Variants in DOK7 observed in about 807,000 individuals in gnomAD.
The protein encoded by DOK7 is docking protein 7.
In DOK7, 32 loss-of-function variants were observed where a neutral mutation model predicts 30.7. The observed-to-expected ratio is 1.04, with a 90% CI of 0.79 to 1.40. DOK7 has a LOEUF of 1.40. Among genes scored for constraint, DOK7 ranks in the 40% most tolerant of loss-of-function variants. The pLI is 0.00. For missense variants in DOK7, 1,007 were observed against 699.2 expected (o/e 1.44, Z -4.97); for synonymous variants, 447 against 324.1 (o/e 1.38, Z -4.07).
chr4:3,490,529 G>A (rs1210656458), intron 6 of DOK7, among the ~76,000 whole-genome samples: 3 of 38,946 alleles, frequency 7.7e-5, no homozygotes, highest in Admixed American at 3.5e-4. Flanking sequence ...TCACCCCCCC[G>A]CTCATTCGTT....
chr4:3,490,432 A>T (rs1186439027), intron 6 of DOK7, among the ~76,000 whole-genome samples: 1 of 19,238 alleles, frequency 5.2e-5, no homozygotes, highest in Non-Finnish European at 1.0e-4. Flanking sequence ...CCGCTCATTC[A>T]TTCCTTCATT....
intron 2 of DOK7, among the ~76,000 whole-genome samples, chr4:3,472,390 C>T (rs955190278): frequency 6.6e-6 from 1 of 152,376 alleles, no homozygotes; most frequent in East Asian, 1.9e-4. Context: ...TGCATGCTCA[C>T]AGGGATTTGG....
At chr4:3,473,358 C>A (rs370952720) in intron 2 of DOK7, 48 bp from the exon 3 acceptor site, 330 of 1,587,532 alleles carry the variant, frequency 2.1e-4, no homozygotes, top group Non-Finnish European at 2.6e-4. Flanking sequence ...GCCAAGGGTG[C>A]GGGCAGGCGG....
chr4:3,491,345 G>A lies in DOK7; in HGVS notation c.773-1414G>A, dbSNP rs185998516. On this transcript the variant is annotated intron_variant, in intron 6 of 6. Coordinates refer to ENST00000340083, the MANE Select transcript of DOK7 (RefSeq NM_173660.5). ...CTGCTCATTCATTCCTTCCTTCTTCGCCTGCTTGTTCCTTCCTTCCTCTGC... is the reference window on the plus strand; with the variant it reads ...CTGCTCATTCATTCCTTCCTTCTTCACCTGCTTGTTCCTTCCTTCCTCTGC... Among the ~76,000 whole-genome samples the A allele has an allele frequency of 2.3e-3, 63 of 26,818 alleles. No individual in the cohort carries two copies. In the South Asian group the frequency reaches 0.035, roughly 15 times the overall value. 17.6% of individuals were successfully genotyped at this position (26,818 alleles called of 152,430 possible). A position where few individuals can be genotyped will look rare whatever the true frequency, so the allele number is the denominator to read the frequency against.
rs1196092256 is a variant in DOK7 at position 3,493,545 on chromosome 4, C to T, written c.*44C>T. ...CGCGGCTGCAAAGGGGCTGAATTTG[C>T]CCCCAGATGGCAGAGGAAGTGGCGC... On this transcript the variant is annotated 3_prime_UTR_variant, in exon 7 of 7. Coordinates refer to ENST00000340083, the MANE Select transcript of DOK7 (RefSeq NM_173660.5). The T allele has an allele frequency of 3.1e-6, 5 of 1,597,728 alleles. No individual in the cohort carries two copies. Among genetic ancestry groups the T allele is most frequent in the Admixed American group, 3.4e-5 (2 of 58,714 alleles).
chr4:3,468,208 G>T (rs1409596318), intron 2 of DOK7, among the ~76,000 whole-genome samples: 1 of 151,904 alleles, frequency 6.6e-6, no homozygotes, highest in Non-Finnish European at 1.5e-5. Flanking sequence ...ACAAGTGTGT[G>T]TGTGTGCATG....
chr4:3,485,891 G>A (rs1213658244), intron 5 of DOK7, among the ~76,000 whole-genome samples: 1 of 152,168 alleles, frequency 6.6e-6, no homozygotes, highest in Non-Finnish European at 1.5e-5. Flanking sequence ...CTCTCCCTCG[G>A]GGGTCCGAGC....
At position 3,489,815 on chromosome 4, in the gene DOK7, C is replaced by G. The variant is rs1275984733; in HGVS notation, c.772+19C>G. 2 of 1,565,594 alleles carry G rather than the reference C, an allele frequency of 1.3e-6. No homozygotes were observed. The highest frequency in any genetic ancestry group is 1.9e-5 in the Admixed American group (1 of 53,640). ...AGTGGAGGTAGGGCCGGGGGCTGAC[C>G]TGGGCTGTGGGACCTCGGCTAAGCC... On this transcript the variant is annotated intron_variant, in intron 6 of 6. Transcript: ENST00000340083.
chr4:3,492,954 G>A lies in DOK7; in HGVS notation c.968G>A (p.Arg323His), dbSNP rs763188032. The change falls in exon 7 of 7, where the codon CGT becomes CAT. Residue 323 changes from arginine to histidine, a missense_variant. Physicochemically the swap from Arg to His is conservative, Grantham distance 29. Transcript: ENST00000340083. Reference sequence around the variant, plus strand: ...TCAAGGCCACCCCCCAAGCCGCTGCGTCCGCGGCAGCTGCAGGAGGTTGGC... The same window carrying A: ...TCAAGGCCACCCCCCAAGCCGCTGCATCCGCGGCAGCTGCAGGAGGTTGGC... ...GASRPPPKPL[R>H]PRQLQEVGRQ... 4.1e-5 allele frequency: 64 copies of A among 1,553,122 alleles called. No homozygotes were observed. The highest frequency in any genetic ancestry group is 1.5e-4 in the Admixed American group (8 of 51,984).
downstream of DOK7, among the ~76,000 whole-genome samples, chr4:3,495,140 G>A (rs80091208): frequency 0.065 from 9,880 of 152,260 alleles, 478 homozygotes; most frequent in Non-Finnish European, 0.1. Flanking sequence ...TCTTGCAAAC[G>A]GGATGACAGA....
At chr4:3,498,667 C>G (rs1729041602), downstream of DOK7, among the ~76,000 whole-genome samples, 1 of 152,084 alleles carries the variant, frequency 6.6e-6, no homozygotes, top group South Asian at 2.1e-4. Flanking sequence ...ATGCCCCCTC[C>G]TCTAGGCAGC....
chr4:3,476,490 C>A lies in DOK7; in HGVS notation c.480C>A (p.Tyr160Ter), dbSNP rs550024569. Residue 160 changes from tyrosine (Y) to a stop codon, truncating the protein, a stop_gained, in exon 4 of 7, where the codon TAC becomes TAA. Transcript: ENST00000340083. LOFTEE classifies it high-confidence loss of function. ...GQWKLSDLRR[Y>*]GAVPSGFIFE... ...GGAAGCTGTCTGACCTCCGGCGCTA[C>A]GGGGCCGTGCCAAGCGGATTCATCT... 1 of 1,613,892 alleles carries A rather than the reference C, an allele frequency of 6.2e-7. No individual in the cohort carries two copies. The highest frequency in any genetic ancestry group is 1.7e-5 in the Admixed American group (1 of 60,026).
chr4:3,473,344 G>T, intron 2 of DOK7, 62 bp from the exon 3 acceptor site: 1 of 1,555,550 alleles, frequency 6.4e-7, no homozygotes. Context: ...GCCTCCCCGG[G>T]GACGCCAAGG....
Position 3,500,408 on chromosome 4 carries a change from G to C in DOK7, c.1261+5G>C, listed in dbSNP as rs534574351. ...AGGCCAGCGAGGGTGTCCGAGGTGG[G>C]TCCCCGCCCTGCGTGGAGGCACTGA... On this transcript the variant is annotated splice_donor_5th_base_variant and intron_variant, in intron 7 of 7. Coordinates refer to the DOK7 transcript ENST00000643608. 6.5e-6 allele frequency: 10 copies of C among 1,535,726 alleles called. No homozygotes were observed. In the South Asian group the frequency reaches 1.2e-4, roughly 18 times the overall value.
At chr4:3,496,254 A>T (rs1362614228), downstream of DOK7, among the ~76,000 whole-genome samples, 1 of 152,186 alleles carries the variant, frequency 6.6e-6, no homozygotes, top group Non-Finnish European at 1.5e-5. Context: ...GAGGCCCAGG[A>T]GAAGGTCGCC....
At position 3,485,593 on chromosome 4, in the gene DOK7, T is replaced by C; in HGVS notation, c.587T>C (p.Phe196Ser). The change falls in exon 5 of 7, where the codon TTC becomes TCC. Residue 196 changes from phenylalanine to serine, a missense_variant. By Grantham distance (155) the Phe-to-Ser change is radical (BLOSUM62 -2). Coordinates refer to ENST00000340083, the MANE Select transcript of DOK7 (RefSeq NM_173660.5). ...GAGGGGGAGCAGATCAGCTTCCTGT[T>C]CGACTGCATCGTCCGAGGCATCTCC... ...SAEGEQISFL[F>S]DCIVRGISPT... The C allele has an allele frequency of 1.2e-6, 2 of 1,607,960 alleles. No homozygotes were observed. The highest frequency in any genetic ancestry group is 1.7e-6 in the Non-Finnish European group (2 of 1,176,966).
At chr4:3,468,506 G>GTGTGCATGTATGTGAC (rs1726473013) in intron 2 of DOK7, among the ~76,000 whole-genome samples, 1 of 150,668 alleles carries the variant, frequency 6.6e-6, no homozygotes, top group African/African-American at 2.5e-5. Flanking sequence ...GCATGTGCGT[G>GTGTGCATGTATGTGAC]TGTGCGTGTA....
chr4:3,494,846 C>T (rs1330849375), downstream of DOK7, among the ~76,000 whole-genome samples: 1 of 152,220 alleles, frequency 6.6e-6, no homozygotes, highest in Non-Finnish European at 1.5e-5. Flanking sequence ...CCTGCCCTGC[C>T]TGTCTCCCCT....
intron 7 of DOK7, chr4:3,500,616 G>C: frequency 6.5e-7 from 1 of 1,532,688 alleles, no homozygotes; most frequent in Non-Finnish European, 8.7e-7. Context: ...CTGGCTGGGG[G>C]ACTGGTGTGG....
Sources: allele counts gnomAD v4.1 joint callset (sites outside exome capture counted in the v4.1 genomes callset), GRCh38; gene constraint gnomAD v4.1.1; transcripts MANE v1.5; gene names NCBI Gene and HGNC (gene_info 2026-07-23, HGNC 2026-07-21).